TRPC4: variants seen among roughly 807,000 people sequenced by gnomAD.
TRPC4 encodes the protein transient receptor potential cation channel subfamily C member 4.
In TRPC4, 49 loss-of-function variants were observed where a neutral mutation model predicts 99.4. The ratio of observed to expected loss-of-function variants is 0.49; its 90% confidence interval spans 0.39 to 0.63. TRPC4 has a LOEUF of 0.63. Ranked by LOEUF, TRPC4 falls within the 20% of genes least tolerant of loss-of-function variation. The pLI is 0.00. For synonymous variants in TRPC4, 454 were observed against 425.9 expected (o/e 1.07, Z -0.81); for missense variants, 898 against 1,152.9 (o/e 0.78, Z 3.20).
chr13:37,842,205 G>T (rs544995048), intron 1 of TRPC4, among the ~76,000 whole-genome samples: 2 of 150,850 alleles, frequency 1.3e-5, no homozygotes, highest in African/African-American at 4.9e-5. Context: ...AGGAGGCAGA[G>T]GTTGCAGTTA....
chr13:37,849,374 C>A (rs893542417), intron 1 of TRPC4, among the ~76,000 whole-genome samples: 1 of 152,114 alleles, frequency 6.6e-6, no homozygotes, highest in Non-Finnish European at 1.5e-5. Context: ...CTGTGAGGTG[C>A]GTTCTCCTGA....
chr13:37,832,018 A>C (rs1958435071), intron 1 of TRPC4, among the ~76,000 whole-genome samples: 1 of 152,208 alleles, frequency 6.6e-6, no homozygotes, highest in Admixed American at 6.5e-5. Flanking sequence ...TTTCAAAATC[A>C]ATAAAAGAAT....
At chr13:37,844,188 C>A (rs1258074062) in intron 1 of TRPC4, among the ~76,000 whole-genome samples, 4 of 152,122 alleles carry the variant, frequency 2.6e-5, no homozygotes, top group Admixed American at 2.6e-4. Flanking sequence ...AGCTTGCAGA[C>A]CTTGGTAGTT....
At chr13:37,749,742 T>C (rs1429241746) in intron 2 of TRPC4, among the ~76,000 whole-genome samples, 1 of 152,152 alleles carries the variant, frequency 6.6e-6, no homozygotes, top group African/African-American at 2.4e-5. Flanking sequence ...AAGTTCTCCA[T>C]CTTCTCCTTT....
intron 2 of TRPC4, among the ~76,000 whole-genome samples, chr13:37,772,939 A>C (rs140827921): frequency 9.5e-4 from 144 of 151,860 alleles, no homozygotes; most frequent in African/African-American, 3.4e-3. Context: ...CCCCCTTCCC[A>C]GAAATTTCTC....
intron 5 of TRPC4, among the ~76,000 whole-genome samples, chr13:37,669,359 T>A (rs1372667125): frequency 6.6e-6 from 1 of 152,118 alleles, no homozygotes; most frequent in Non-Finnish European, 1.5e-5. Context: ...TCCCCAGGCA[T>A]CAACAAACTC....
At chr13:37,745,458 A>ATATATATATATATGCG (rs1555265724) in intron 3 of TRPC4, among the ~76,000 whole-genome samples, 13 of 6,586 alleles carry the variant, frequency 2.0e-3, no homozygotes, top group African/African-American at 4.7e-3. Context: ...ATATATATAT[A>ATATATATATATATGCG]TATATATATA....
intron 5 of TRPC4, among the ~76,000 whole-genome samples, chr13:37,668,069 A>G (rs1300622705): frequency 6.6e-6 from 1 of 152,202 alleles, no homozygotes. Flanking sequence ...AGATGCATGG[A>G]CATTAGGATC....
intron 2 of TRPC4, among the ~76,000 whole-genome samples, chr13:37,753,609 A>AGAG (rs1566145539): frequency 1.7e-4 from 18 of 104,864 alleles, no homozygotes; most frequent in Admixed American, 4.4e-4. Context: ...GAGAGAGAGA[A>AGAG]AGAAAGAAAG....
intron 1 of TRPC4, among the ~76,000 whole-genome samples, chr13:37,798,052 C>G (rs1382673941): frequency 2.0e-5 from 3 of 152,096 alleles, no homozygotes; most frequent in African/African-American, 7.2e-5. Flanking sequence ...TTCTAAAATT[C>G]AATTACCTCT....
chr13:37,863,529 C>T (rs923738908), intron 1 of TRPC4, among the ~76,000 whole-genome samples: 1 of 151,546 alleles, frequency 6.6e-6, no homozygotes, highest in Non-Finnish European at 1.5e-5. Context: ...GAAGACCCAA[C>T]TCTGCTTGTC....
intron 3 of TRPC4, among the ~76,000 whole-genome samples, chr13:37,718,502 T>C (rs917280950): frequency 6.6e-6 from 1 of 152,026 alleles, no homozygotes; most frequent in African/African-American, 2.4e-5. Context: ...TTAGTTATTA[T>C]AACTAAGCTC....
At chr13:37,823,748 G>A (rs998243982) in intron 1 of TRPC4, among the ~76,000 whole-genome samples, 13 of 145,756 alleles carry the variant, frequency 8.9e-5, no homozygotes, top group South Asian at 2.2e-4. Context: ...TTGACTTGGC[G>A]ATGCGGGCTC....
intron 1 of TRPC4, among the ~76,000 whole-genome samples, chr13:37,792,496 C>A (rs1006425943): frequency 5.9e-5 from 9 of 152,088 alleles, no homozygotes; most frequent in African/African-American, 1.9e-4. Flanking sequence ...TAAAGACTCA[C>A]TACTTGTCTT....
chr13:37,856,284 T>C (rs185111576), intron 1 of TRPC4, among the ~76,000 whole-genome samples: 186 of 151,288 alleles, frequency 1.2e-3, no homozygotes, highest in African/African-American at 4.2e-3. Context: ...ATGGACAAAT[T>C]CCTGGACACA....
At chr13:37,646,355 C>T (rs1951859764) in intron 8 of TRPC4, among the ~76,000 whole-genome samples, 1 of 151,976 alleles carries the variant, frequency 6.6e-6, no homozygotes. Context: ...ATCAAAAGAA[C>T]TAGTATTTTT....
At chr13:37,808,965 T>C (rs1404083524) in intron 1 of TRPC4, among the ~76,000 whole-genome samples, 6 of 152,114 alleles carry the variant, frequency 3.9e-5, no homozygotes, top group Non-Finnish European at 7.4e-5. Context: ...CACAAAAGGA[T>C]ATCATTCAGT....
At chr13:37,854,905 G>A (rs1593324918) in intron 1 of TRPC4, 1 of 151,938 alleles carries the variant, frequency 6.6e-6, no homozygotes, top group South Asian at 2.1e-4. Flanking sequence ...TATTAACCAA[G>A]CCTGACCCTG....
intron 2 of TRPC4, among the ~76,000 whole-genome samples, chr13:37,757,373 A>G: frequency 6.6e-6 from 1 of 152,058 alleles, no homozygotes; most frequent in East Asian, 1.9e-4. Context: ...GTTCACAGAC[A>G]TCTTTGAATT....
Sources: allele counts gnomAD v4.1 joint callset (sites outside exome capture counted in the v4.1 genomes callset), GRCh38; gene constraint gnomAD v4.1.1; transcripts MANE v1.5; gene names NCBI Gene and HGNC (gene_info 2026-07-23, HGNC 2026-07-21).